The following NUDT5 variants were observed in gnomAD, a reference collection of about 807,000 sequenced individuals.
The protein encoded by NUDT5 is nudix hydrolase 5.
NUDT5 carries 21 observed loss-of-function variants against 34.1 expected under a neutral mutation model. The ratio of observed to expected loss-of-function variants is 0.62; its 90% CI spans 0.44 to 0.89. The LOEUF (loss-of-function observed/expected upper bound fraction) is 0.89. Among genes scored for constraint, NUDT5 ranks in the 40% least tolerant of loss-of-function variants. The pLI is 0.00. For missense variants in NUDT5, 249 were observed against 274.8 expected, an observed-to-expected ratio of 0.91 and a Z score of 0.66; for synonymous variants, 85 against 97.6, an observed-to-expected ratio of 0.87 and a Z score of 0.76.
chr10:12,172,644 C>A, intron 7 of NUDT5, 121 bp downstream of exon 7: 1 of 679,828 alleles, frequency 1.5e-6, no homozygotes, highest in Non-Finnish European at 2.7e-6. Context: ...CTGATGAAGT[C>A]TATTTGAAAG....
chr10:12,166,837 G>A lies in NUDT5; in HGVS notation c.*865C>T, dbSNP rs1012971675. On this transcript the variant is annotated 3_prime_UTR_variant, in exon 10 of 10. Coordinates refer to ENST00000491614, the MANE Select transcript of NUDT5 (RefSeq NM_014142.4). ...GAACTGCTAGATGACAGGGTTTCAG[G>A]CATGGGAACCAGATCAATCTGTACT... 1.3e-5 allele frequency: 6 copies of A among 452,660 alleles called. No individual in the cohort carries two copies. Among genetic ancestry groups the A allele is most frequent in the Admixed American group, 1.0e-4 (4 of 39,232 alleles). The allele number at this position is 452,660 out of a possible 1,614,324, so 28.0% of individuals were successfully genotyped here.
At chr10:12,184,250 T>A (rs868421814) in intron 3 of NUDT5, among the ~76,000 whole-genome samples, 1 of 152,166 alleles carries the variant, frequency 6.6e-6, no homozygotes, top group Non-Finnish European at 1.5e-5. Flanking sequence ...TTTCGCCATG[T>A]TGCCTAGGCT....
At chr10:12,191,953 C>T (rs73581329) in intron 1 of NUDT5, among the ~76,000 whole-genome samples, 2,861 of 152,134 alleles carry the variant, frequency 0.019, 75 homozygotes, top group East Asian at 0.093. Flanking sequence ...TCACCGTACC[C>T]GAATCCCGGC....
At position 12,170,870 on chromosome 10, in the gene NUDT5, C is replaced by T. The variant is rs376981309; in HGVS notation, c.496+30G>A. The T allele has an allele frequency of 1.3e-4, 203 of 1,613,670 alleles. No homozygotes were observed. In the African/African-American group the frequency reaches 2.3e-3, roughly 18 times the overall value. ...CATCACCACTACACTAAGTCATACA[C>T]GCTCGGCCACCAGGAGTTGCAGAAC... On this transcript the variant is annotated intron_variant, in intron 8 of 9. Transcript: ENST00000491614. This position sits in a 1 kb window ranked among gnomAD's most constrained non-coding sequence, Gnocchi z 4.9.
In NUDT5 at chr10:12,167,531, G is replaced by A. The variant is rs1008584837; in HGVS notation, c.*171C>T. 1.2e-4 allele frequency: 69 copies of A among 589,434 alleles called. No homozygotes were observed. The highest frequency in any genetic ancestry group is 3.4e-5 in the Admixed American group (1 of 29,332). 36.5% of individuals were successfully genotyped at this position (589,434 alleles called of 1,614,324 possible). On this transcript the variant is annotated 3_prime_UTR_variant, in exon 10 of 10. Coordinates refer to ENST00000491614, the MANE Select transcript of NUDT5 (RefSeq NM_014142.4). ...TGGAGTTATAACAAATTTAAAGGAA[G>A]GTCACAACCTACCTGTAATTACAAT...
chr10:12,165,944 G>T lies in NUDT5; in HGVS notation c.*1758C>A, dbSNP rs1050729149. ...TTTCCCTTAAGAAGGTGGAAATATGGCTTTTAATACATAGGAAACCTTCAG... is the reference window on the plus strand; with the variant it reads ...TTTCCCTTAAGAAGGTGGAAATATGTCTTTTAATACATAGGAAACCTTCAG... On this transcript the variant is annotated 3_prime_UTR_variant, in exon 10 of 10. Coordinates refer to ENST00000491614, the MANE Select transcript of NUDT5 (RefSeq NM_014142.4). 5.3e-5 allele frequency: 8 copies of T among 152,126 alleles called. No individual in the cohort carries two copies. The highest frequency in any genetic ancestry group is 8.8e-5 in the Non-Finnish European group (6 of 68,030). 9.4% of individuals were successfully genotyped at this position (152,126 alleles called of 1,614,324 possible).
chr10:12,184,608 C>G, intron 3 of NUDT5: 1 of 1,351,314 alleles, frequency 7.4e-7, no homozygotes, highest in Non-Finnish European at 1.0e-6. Context: ...ACCTTATCAG[C>G]TTAAATTAGG....
rs556907755 is a variant in NUDT5 at position 12,181,417 on chromosome 10, C to T, written c.132-2285G>A. Among the ~76,000 whole-genome samples the T allele has an allele frequency of 3.9e-5, 6 of 152,248 alleles. No individual in the cohort carries two copies. Among genetic ancestry groups the T allele is most frequent in the Admixed American group, 2.6e-4 (4 of 15,294 alleles). On this transcript the variant is annotated intron_variant, in intron 3 of 9. Coordinates refer to ENST00000491614, the MANE Select transcript of NUDT5 (RefSeq NM_014142.4). The surrounding 1 kb of genome is among the most constrained non-coding windows in gnomAD (Gnocchi z 5.0). ...GTATTCCTTACCCGAAACGAGGGGC[C>T]GGAAGTGTTTCAGAGTTTGGTTTTT...
Position 12,170,205 on chromosome 10 carries a change from G to T in NUDT5, c.550+512C>A. 3 of 1,611,462 alleles carry T rather than the reference G, an allele frequency of 1.9e-6. No individual in the cohort carries two copies. The East Asian group carries it at 6.7e-5, about 36-fold the overall frequency. On this transcript the variant is annotated intron_variant, in intron 9 of 9. Coordinates refer to ENST00000491614, the MANE Select transcript of NUDT5 (RefSeq NM_014142.4). This position sits in a 1 kb window ranked among gnomAD's most constrained non-coding sequence, Gnocchi z 4.9. Reference sequence around the variant, plus strand: ...TATACAATGCATCTACATGACCAGTGATTTCTAAGGGCCACACAGCTGGTT... The same window carrying T: ...TATACAATGCATCTACATGACCAGTTATTTCTAAGGGCCACACAGCTGGTT...
chr10:12,168,031 T>TC lies in NUDT5; in HGVS notation c.551-221_551-220insG. ...ACAAGAACATCAGGGATAATGATTT[T>TC]TTTTTTTTTTGGTGAGACAGTCTCG... On this transcript the variant is annotated intron_variant, in intron 9 of 9. Transcript: ENST00000491614. The surrounding 1 kb of genome is among the most constrained non-coding windows in gnomAD (Gnocchi z 4.8). 2.2e-6 allele frequency: 2 copies of TC among 896,142 alleles called. No individual in the cohort carries two copies. Among genetic ancestry groups the TC allele is most frequent in the Non-Finnish European group, 3.0e-6 (2 of 666,552 alleles). The allele number at this position is 896,142 out of a possible 1,614,324, so 55.5% of individuals were successfully genotyped here.
At chr10:12,184,356 T>A in intron 3 of NUDT5, 18 of 448,158 alleles carry the variant, frequency 4.0e-5, no homozygotes, top group Non-Finnish European at 5.4e-5. Flanking sequence ...CCAACACACC[T>A]GGCCCTTAAC....
At position 12,185,939 on chromosome 10, in the gene NUDT5, G is replaced by A. The variant is rs980194290; in HGVS notation, c.63+290C>T. ...AACTACATATGAAATATCTGAGTCC[G>A]CAAATGCATATATTCTTTCTTCTTC... On this transcript the variant is annotated intron_variant, in intron 2 of 9. Coordinates refer to ENST00000491614, the MANE Select transcript of NUDT5 (RefSeq NM_014142.4). Among the ~76,000 whole-genome samples, 8 of 152,126 alleles carry A rather than the reference G, an allele frequency of 5.3e-5. 1 individual carries two copies. Among genetic ancestry groups the A allele is most frequent in the African/African-American group, 1.7e-4 (7 of 41,418 alleles).
rs1835053554 is a variant in NUDT5 at position 12,182,156 on chromosome 10, A to G, written c.131+2733T>C. Among the ~76,000 whole-genome samples the G allele has an allele frequency of 6.6e-6, 1 of 151,630 alleles. No individual in the cohort carries two copies. Among genetic ancestry groups the G allele is most frequent in the South Asian group, 2.1e-4 (1 of 4,814 alleles). The stretch of plus-strand genomic sequence containing the variant: ...GGTAAAAAAAAAAAAAAAGAAGGAT[A>G]TAGCTGAGCTGAAGGGGAGGGTTCC... On this transcript the variant is annotated intron_variant, in intron 3 of 9. Coordinates refer to ENST00000491614, the MANE Select transcript of NUDT5 (RefSeq NM_014142.4). The surrounding 1 kb of genome is among the most constrained non-coding windows in gnomAD (Gnocchi z 4.3).
rs1422364517 is a variant in NUDT5, at chr10:12,171,115, GA to G, written c.488-208del. Among the ~76,000 whole-genome samples the G allele has an allele frequency of 1.3e-5, 2 of 152,134 alleles. No homozygotes were observed. Among genetic ancestry groups the G allele is most frequent in the Admixed American group, 1.3e-4 (2 of 15,276 alleles). On this transcript the variant is annotated intron_variant, in intron 7 of 9. Coordinates refer to ENST00000491614, the MANE Select transcript of NUDT5 (RefSeq NM_014142.4). This position sits in a 1 kb window ranked among gnomAD's most constrained non-coding sequence, Gnocchi z 4.2. ...AAGTAGCAAAATTTAAAGCATATTC[GA>G]TAGTATGTATATTTTTATAGATATG...
chr10:12,173,808 T>C lies in NUDT5; in HGVS notation c.295A>G (p.Ile99Val). 1.9e-6 allele frequency: 3 copies of C among 1,612,194 alleles called. No individual in the cohort carries two copies. Among genetic ancestry groups the C allele is most frequent in the Non-Finnish European group, 2.5e-6 (3 of 1,178,458 alleles). The stretch of plus-strand genomic sequence containing the variant: ...GCTTCTGGGGTTTCACCATCATCTA[T>C]GAGACCTGCAAGTCCAAATCATTGG... The part of the protein sequence containing the change: ...GYCIEFPAGL[I>V]DDGETPEAAA... Residue 99 changes from isoleucine (I) to valine (V), a missense_variant, in exon 6 of 10, where the codon ATA (isoleucine) becomes GTA (valine). By Grantham distance (29) the Ile-to-Val change is conservative. Transcript: ENST00000491614. The surrounding 1 kb of genome is among the most constrained non-coding windows in gnomAD (Gnocchi z 4.7).
At position 12,168,246 on chromosome 10, in the gene NUDT5, G is replaced by A. The variant is rs1394881593; in HGVS notation, c.551-435C>T. 2.6e-5 allele frequency among the ~76,000 whole-genome samples: 4 copies of A among 152,034 alleles called. No homozygotes were observed. Among genetic ancestry groups the A allele is most frequent in the Admixed American group, 6.6e-5 (1 of 15,262 alleles). ...TTGCCATGTTGGCCAGGATGGTTTC[G>A]ATCTCCTGACCTCGTGATCCACCCG... is the stretch of plus-strand genomic sequence containing the variant. On this transcript the variant is annotated intron_variant, in intron 9 of 9. Coordinates refer to ENST00000491614, the MANE Select transcript of NUDT5 (RefSeq NM_014142.4). This position sits in a 1 kb window ranked among gnomAD's most constrained non-coding sequence, Gnocchi z 4.8.
intron 3 of NUDT5, chr10:12,180,250 A>G (rs889677456): frequency 6.6e-6 from 1 of 152,236 alleles, no homozygotes; most frequent in African/African-American, 2.4e-5. Flanking sequence ...CAAATTCCGA[A>G]GGCCAAATAT....
chr10:12,174,741 T>C (rs905523571), intron 5 of NUDT5, among the ~76,000 whole-genome samples: 1 of 152,196 alleles, frequency 6.6e-6, no homozygotes, highest in Non-Finnish European at 1.5e-5. Flanking sequence ...TGTGAGGAGA[T>C]GTGACTTGGT....
Position 12,187,819 on chromosome 10 carries a change from C to T in NUDT5, c.-41-1487G>A, listed in dbSNP as rs906663429. Among the ~76,000 whole-genome samples, 1 of 152,130 alleles carries T rather than the reference C, an allele frequency of 6.6e-6. No individual in the cohort carries two copies. The highest frequency in any genetic ancestry group is 1.5e-5 in the Non-Finnish European group (1 of 68,032). On this transcript the variant is annotated intron_variant, in intron 1 of 9. Coordinates refer to ENST00000491614, the MANE Select transcript of NUDT5 (RefSeq NM_014142.4). This position sits in a 1 kb window ranked among gnomAD's most constrained non-coding sequence, Gnocchi z 5.4. ...GGAATTTTTTTCTTGAACGACTTCACTGATGATTTCCTCCCCTGTGTTTTC... is the reference window on the plus strand; with the variant it reads ...GGAATTTTTTTCTTGAACGACTTCATTGATGATTTCCTCCCCTGTGTTTTC...
Sources: gnomAD v4.1 joint callset for allele counts (sites outside exome capture counted in the v4.1 genomes callset) on GRCh38, gnomAD v4.1.1 for gene constraint, Gnocchi (gnomAD v3.1) non-coding constraint, MANE v1.5 for transcripts, NCBI Gene and HGNC (gene_info 2026-07-23, HGNC 2026-07-21) for gene names.